Variants in ARHGAP25 observed in about 807,000 individuals in gnomAD.
ARHGAP25 encodes the protein rho GTPase-activating protein 25.
A neutral mutation model predicts 71.0 loss-of-function variants in ARHGAP25; 34 were observed. The ratio of observed to expected loss-of-function variants is 0.48; its 90% CI spans 0.36 to 0.64. The LOEUF is 0.64. Ranked by LOEUF, ARHGAP25 falls within the 30% of genes least tolerant of loss-of-function variation. The probability of loss-of-function intolerance (pLI) is 0.00; values close to 1 mark genes in which losing one functional copy is unlikely to be tolerated. For missense variants in ARHGAP25, 706 were observed against 805.1 expected (o/e 0.88, Z 1.49); for synonymous variants, 282 against 296.5 (o/e 0.95, Z 0.50).
intron 2 of ARHGAP25, among the ~76,000 whole-genome samples, chr2:68,725,649 A>C (rs967982675): frequency 2.0e-5 from 3 of 152,146 alleles, no homozygotes; most frequent in African/African-American, 7.2e-5. Context: ...AGTATACATC[A>C]AATCAAGGCA....
intron 1 of ARHGAP25, among the ~76,000 whole-genome samples, chr2:68,771,189 T>C (rs1392410264): frequency 1.3e-5 from 2 of 152,276 alleles, no homozygotes; most frequent in Non-Finnish European, 2.9e-5. Flanking sequence ...ACTAGAATAA[T>C]GTGAGGTTTC....
At chr2:68,773,696 G>A (rs573949060) in intron 1 of ARHGAP25, among the ~76,000 whole-genome samples, 1 of 152,280 alleles carries the variant, frequency 6.6e-6, no homozygotes, top group South Asian at 2.1e-4. Context: ...ATGCATTAAA[G>A]ATAGGAAAGA....
intron 9 of ARHGAP25, chr2:68,819,613 A>G (rs1001916733): frequency 1.7e-6 from 1 of 592,250 alleles, no homozygotes; most frequent in African/African-American, 1.9e-5. Context: ...TACAGTCCAG[A>G]GAAGTTCAGT....
In ARHGAP25 at chr2:68,781,066, T is replaced by G. The variant is rs139788775; in HGVS notation, c.262-1167T>G. Among the ~76,000 whole-genome samples, 250 of 152,252 alleles carry G rather than the reference T, an allele frequency of 1.6e-3. 1 individual carries two copies. The highest frequency in any genetic ancestry group is 5.8e-3 in the African/African-American group (242 of 41,544). The stretch of plus-strand genomic sequence containing the variant: ...GTGATAAATCTTGCTATGCTCTGGA[T>G]ATGGAGTTGTTGTGGGGGTCTAATG... On this transcript the variant is annotated intron_variant, in intron 2 of 10. Transcript: ENST00000409202.
At chr2:68,735,499 G>A (rs1675168074) in intron 1 of ARHGAP25, 1 of 587,114 alleles carries the variant, frequency 1.7e-6, no homozygotes, top group Non-Finnish European at 3.0e-6. Context: ...AGGATCTGGG[G>A]TACTTCGGAT....
intron 4 of ARHGAP25, among the ~76,000 whole-genome samples, chr2:68,803,797 C>T (rs1404833853): frequency 6.6e-6 from 1 of 151,654 alleles, no homozygotes; most frequent in Non-Finnish European, 1.5e-5. Context: ...AGGGAGTTCA[C>T]TCGTAACCCT....
chr2:68,745,123 C>A (rs1558609969), intron 1 of ARHGAP25, among the ~76,000 whole-genome samples: 3 of 152,190 alleles, frequency 2.0e-5, no homozygotes, highest in Non-Finnish European at 4.4e-5. Flanking sequence ...TTTCTCACTT[C>A]TTTGACTTTG....
At chr2:68,725,466 AG>A (rs1674862154) in intron 2 of ARHGAP25, among the ~76,000 whole-genome samples, 4 of 151,976 alleles carry the variant, frequency 2.6e-5, no homozygotes. Context: ...CGGCGATTAC[AG>A]GTGTATGCCA....
chr2:68,778,482 T>G lies in ARHGAP25; in HGVS notation c.261+3062T>G, dbSNP rs554491004. 3.9e-5 allele frequency among the ~76,000 whole-genome samples: 6 copies of G among 152,346 alleles called. No homozygotes were observed. In the South Asian group the frequency reaches 1.2e-3, roughly 32 times the overall value. ...ACAATTTCTAATGTCTCTTTAAAAA[T>G]ATTTTTATAATTGAAGTGTAATCAT... On this transcript the variant is annotated intron_variant, in intron 2 of 10. Transcript: ENST00000409202.
At chr2:68,795,721 A>G (rs1394494479) in intron 4 of ARHGAP25, among the ~76,000 whole-genome samples, 1 of 152,102 alleles carries the variant, frequency 6.6e-6, no homozygotes, top group Non-Finnish European at 1.5e-5. Context: ...TGTGTTGTTG[A>G]GAAGAATGTG....
At chr2:68,783,473 T>A (rs1229292114) in intron 3 of ARHGAP25, among the ~76,000 whole-genome samples, 3 of 152,112 alleles carry the variant, frequency 2.0e-5, no homozygotes, top group African/African-American at 7.2e-5. Flanking sequence ...TTTGTTTTTT[T>A]TTTTGAGTTG....
intron 1 of ARHGAP25, among the ~76,000 whole-genome samples, chr2:68,739,438 G>A (rs1162862142): frequency 6.6e-6 from 1 of 152,196 alleles, no homozygotes; most frequent in Non-Finnish European, 1.5e-5. Flanking sequence ...ACTCTGTGGA[G>A]ACTCCACCAG....
chr2:68,822,889 G>A lies in ARHGAP25; in HGVS notation c.1733+17G>A, dbSNP rs373739913. The A allele has an allele frequency of 1.1e-5, 17 of 1,576,638 alleles. No homozygotes were observed. The highest frequency in any genetic ancestry group is 5.4e-5 in the African/African-American group (4 of 73,634). On this transcript the variant is annotated intron_variant, in intron 10 of 10. Transcript: ENST00000409202. ...GATTAAAAAGTAAGTCAGACAGAGG[G>A]GCACTGAGAGGCACTTGGCTTCCAT...
At chr2:68,772,028 G>A (rs887150301) in intron 1 of ARHGAP25, among the ~76,000 whole-genome samples, 4 of 152,114 alleles carry the variant, frequency 2.6e-5, no homozygotes, top group African/African-American at 9.7e-5. Context: ...CAACGCACAC[G>A]TGCTCCTAGG....
intron 4 of ARHGAP25, 141 bp downstream of exon 4, chr2:68,788,097 C>T: frequency 1.5e-6 from 1 of 682,448 alleles, no homozygotes. Context: ...TGGCCAAGTG[C>T]TCTGTCAAAT....
intron 2 of ARHGAP25, among the ~76,000 whole-genome samples, chr2:68,714,920 A>G (rs1041546328): frequency 2.6e-5 from 4 of 152,206 alleles, no homozygotes; most frequent in Non-Finnish European, 5.9e-5. Context: ...GCATATGACA[A>G]TAATAAAATG....
At chr2:68,749,577 G>A (rs889401488) in intron 1 of ARHGAP25, among the ~76,000 whole-genome samples, 2 of 152,122 alleles carry the variant, frequency 1.3e-5, no homozygotes, top group African/African-American at 2.4e-5. Flanking sequence ...TAGCTTTGTC[G>A]ATCAGAGCAG....
At chr2:68,807,519 C>T (rs757257502) in intron 5 of ARHGAP25, 39 bp downstream of exon 5, 11 of 1,597,954 alleles carry the variant, frequency 6.9e-6, no homozygotes, top group Non-Finnish European at 9.4e-6. Flanking sequence ...TCTGCCCTCC[C>T]CTCTGCTTGG....
intron 2 of ARHGAP25, among the ~76,000 whole-genome samples, chr2:68,779,680 T>C (rs1017476778): frequency 6.6e-6 from 1 of 152,228 alleles, no homozygotes; most frequent in Admixed American, 6.5e-5. Context: ...GAAGGACTTG[T>C]GGCCTCCTGC....
Sources: gnomAD v4.1 joint callset for allele counts (sites outside exome capture counted in the v4.1 genomes callset) on GRCh38, gnomAD v4.1.1 for gene constraint, MANE v1.5 for transcripts, NCBI Gene and HGNC (gene_info 2026-07-23, HGNC 2026-07-21) for gene names.